The following COA8 variants were observed in gnomAD, a reference collection of about 807,000 sequenced individuals.
COA8 encodes cytochrome c oxidase assembly factor 8.
Under a neutral mutation model 22.0 loss-of-function variants are expected in COA8, and 20 were observed. That is an observed-to-expected ratio of 0.91 (90% confidence interval 0.64 to 1.32). The LOEUF (loss-of-function observed/expected upper bound fraction) is 1.32. COA8 is among the 40% of genes most tolerant of loss of function. The pLI, the probability that COA8 is intolerant of heterozygous loss-of-function variation, is 0.00. For missense variants in COA8, 266 were observed against 230.0 expected, an observed-to-expected ratio of 1.16 and a Z score of -1.01; for synonymous variants, 105 against 79.9, an observed-to-expected ratio of 1.31 and a Z score of -1.68.
At position 103,563,037 on chromosome 14, in the gene COA8, C is replaced by T. The variant is rs778310543; in HGVS notation, c.36C>T (p.Leu12=). The T allele has an allele frequency of 2.5e-5, 38 of 1,547,812 alleles. No homozygotes were observed. The African/African-American group carries it at 3.4e-4, about 14-fold the overall frequency. The change falls in exon 1 of 5, where the codon CTC becomes CTT. Residue 12 remains leucine (L), a synonymous_variant. Transcript: ENST00000409074. The stretch of plus-strand genomic sequence containing the variant: ...TGCGGGCGGGGAAGAAGACCTTTCT[C>T]CCCCCTCTCTGCCGCGCCTTCGCCT... ...VVLRAGKKTF[L]PPLCRAFACR... is the part of the protein sequence containing the mutation.
chr14:103,574,170 G>T lies in COA8; in HGVS notation c.385G>T (p.Gly129Cys). Residue 129 changes from glycine (G) to cysteine (C), a missense_variant and splice_region_variant, in exon 3 of 5, where the codon GGT (glycine) becomes TGT (cysteine). Physicochemically the swap from Gly to Cys is radical, Grantham distance 159. Coordinates refer to ENST00000409074, the MANE Select transcript of COA8 (RefSeq NM_001370595.2). ...TKGLGLRTESGQKATLNAEEM... is the reference protein window; with the variant it reads ...TKGLGLRTESCQKATLNAEEM... ...AGGCCTGGGCCTGAGAACTGAATCA[G>T]GTTAGTGTGTTTGTTTGATTGTTTT... The T allele has an allele frequency of 1.2e-6, 2 of 1,610,280 alleles. No homozygotes were observed. The highest frequency in any genetic ancestry group is 2.2e-5 in the East Asian group (1 of 44,758).
rs759052159 is a variant in COA8, at chr14:103,574,346, A to G, written c.385+176A>G. ...TCTCTTGCACACCCAGTTCCCAGGC[A>G]TGGCTCTCCAATCTCAGCTCCCTCC... On this transcript the variant is annotated intron_variant, in intron 3 of 4. Transcript: ENST00000409074. 2.5e-5 allele frequency: 21 copies of G among 833,144 alleles called. No individual in the cohort carries two copies. In the Middle Eastern group the frequency reaches 2.6e-3, roughly 103 times the overall value. The allele number at this position is 833,144 out of a possible 1,614,324, so 51.6% of individuals were successfully genotyped here. A position where few individuals can be genotyped will look rare whatever the true frequency, so the allele number is the denominator to read the frequency against.
intron 4 of COA8, among the ~76,000 whole-genome samples, chr14:103,587,593 C>A (rs1447618314): frequency 3.3e-5 from 5 of 150,754 alleles, no homozygotes; most frequent in Non-Finnish European, 7.4e-5. Flanking sequence ...CTGCAAGCTC[C>A]GCCTCCTGGG....
intron 1 of COA8, among the ~76,000 whole-genome samples, chr14:103,564,739 C>T (rs1177755625): frequency 1.3e-5 from 2 of 151,724 alleles, no homozygotes; most frequent in Admixed American, 6.6e-5. Flanking sequence ...ACCACCATGC[C>T]CGGCTAATTT....
chr14:103,577,101 T>C (rs1180519990), intron 3 of COA8, among the ~76,000 whole-genome samples: 1 of 152,192 alleles, frequency 6.6e-6, no homozygotes, highest in Non-Finnish European at 1.5e-5. Context: ...AGATGGAGTC[T>C]CACTCTGTCA....
At chr14:103,563,354 AC>A in intron 1 of COA8, 1 of 700,174 alleles carries the variant, frequency 1.4e-6, no homozygotes, top group Non-Finnish European at 2.6e-6. Context: ...GACAGCCAGA[AC>A]CTTTAAGCGT....
At chr14:103,580,497 G>T (rs12887734) in intron 3 of COA8, among the ~76,000 whole-genome samples, 38,538 of 149,820 alleles carry the variant, frequency 0.26, 5,356 homozygotes, top group East Asian at 0.35. Flanking sequence ...GTTTTTTGTG[G>T]TTTTTTTTGT....
chr14:103,580,009 A>G (rs1386997857), intron 3 of COA8, among the ~76,000 whole-genome samples: 3 of 151,248 alleles, frequency 2.0e-5, no homozygotes, highest in African/African-American at 7.3e-5. Flanking sequence ...TTCATACAGC[A>G]TTTACATTGT....
At chr14:103,585,045 G>A (rs1426360377) in intron 3 of COA8, among the ~76,000 whole-genome samples, 1 of 152,120 alleles carries the variant, frequency 6.6e-6, no homozygotes, top group Non-Finnish European at 1.5e-5. Context: ...GGCTGAGGCA[G>A]GAGAATCGCT....
chr14:103,563,225 C>G (rs1448775818), intron 1 of COA8, 101 bp downstream of exon 1: 6 of 1,455,700 alleles, frequency 4.1e-6, no homozygotes, highest in East Asian at 2.5e-5. Context: ...CCGCCTCAGG[C>G]CTTTGTCCAG....
chr14:103,574,118 A>C lies in COA8; in HGVS notation c.333A>C (p.Glu111Asp). The C allele has an allele frequency of 7.0e-7, 1 of 1,438,026 alleles. No individual in the cohort carries two copies. Among genetic ancestry groups the C allele is most frequent in the Non-Finnish European group, 9.4e-7 (1 of 1,061,452 alleles). 89.1% of individuals were successfully genotyped at this position (1,438,026 alleles called of 1,614,324 possible). A position where few individuals can be genotyped will look rare whatever the true frequency, so the allele number is the denominator to read the frequency against. The change falls in exon 3 of 5, where the codon GAA becomes GAC. Residue 111 changes from glutamate to aspartate, a missense_variant. Coordinates refer to ENST00000409074, the MANE Select transcript of COA8 (RefSeq NM_001370595.2). ...QNLTFSKEKE[E>D]FIHSRLKTKG... Reference sequence around the variant, plus strand: ...TTTTTTTTTTTAAGGAAAAAGAAGAATTTATTCACTCAAGACTAAAAACTA... The same window carrying C: ...TTTTTTTTTTTAAGGAAAAAGAAGACTTTATTCACTCAAGACTAAAAACTA...
At chr14:103,570,781 A>T (rs1213614898) in intron 1 of COA8, among the ~76,000 whole-genome samples, 2 of 152,180 alleles carry the variant, frequency 1.3e-5, no homozygotes, top group Non-Finnish European at 2.9e-5. Flanking sequence ...TGCTACATGG[A>T]AGAGTTATTA....
chr14:103,583,062 T>A (rs1290141585), intron 3 of COA8, among the ~76,000 whole-genome samples: 1 of 152,200 alleles, frequency 6.6e-6, no homozygotes, highest in Non-Finnish European at 1.5e-5. Flanking sequence ...TTTATTTATA[T>A]TGTCTCATGT....
At chr14:103,576,813 A>C (rs891627449) in intron 3 of COA8, among the ~76,000 whole-genome samples, 1 of 152,172 alleles carries the variant, frequency 6.6e-6, no homozygotes, top group Non-Finnish European at 1.5e-5. Flanking sequence ...GGGCTTGTGC[A>C]GAGAGCCTGG....
chr14:103,566,944 G>C (rs1248716279), intron 1 of COA8, among the ~76,000 whole-genome samples: 2 of 152,192 alleles, frequency 1.3e-5, no homozygotes, highest in South Asian at 2.1e-4. Flanking sequence ...GTCTTGCTCT[G>C]TTGCCCAGGC....
intron 1 of COA8, among the ~76,000 whole-genome samples, chr14:103,570,815 C>T (rs1475401915): frequency 1.3e-5 from 2 of 152,194 alleles, no homozygotes; most frequent in Non-Finnish European, 2.9e-5. Context: ...CTCCTCGCAT[C>T]TGGGGGCTAG....
intron 3 of COA8, among the ~76,000 whole-genome samples, chr14:103,576,656 T>A (rs2076232695): frequency 6.6e-6 from 1 of 152,238 alleles, no homozygotes; most frequent in Non-Finnish European, 1.5e-5. Context: ...GGCCACTGCC[T>A]TACCTTTCTC....
At position 103,563,126 on chromosome 14, in the gene COA8, T is replaced by G. The variant is rs1412203735; in HGVS notation, c.123+2T>G. The G allele has an allele frequency of 6.5e-7, 1 of 1,539,334 alleles. No homozygotes were observed. On this transcript the variant is annotated splice_donor_variant, in intron 1 of 4. Coordinates refer to ENST00000409074, the MANE Select transcript of COA8 (RefSeq NM_001370595.2). LOFTEE classifies it high-confidence loss of function. ...CGCAGGGATACGGCGCCCAGCGGGG[T>G]AAGCAGGGGCCTGGGGACATTGGGC... is the stretch of plus-strand genomic sequence containing the variant.
chr14:103,566,111 T>G (rs1202660011), intron 1 of COA8, among the ~76,000 whole-genome samples: 1 of 152,110 alleles, frequency 6.6e-6, no homozygotes, highest in Non-Finnish European at 1.5e-5. Flanking sequence ...TCTTTCTGGT[T>G]AGAGTTACTA....
Sources: allele counts gnomAD v4.1 joint callset (sites outside exome capture counted in the v4.1 genomes callset), GRCh38; gene constraint gnomAD v4.1.1; transcripts MANE v1.5; gene names NCBI Gene and HGNC (gene_info 2026-07-23, HGNC 2026-07-21).